PDE10A: variants seen among roughly 807,000 people sequenced by gnomAD.
The protein encoded by PDE10A is cAMP and cAMP-inhibited cGMP 3',5'-cyclic phosphodiesterase 10A.
PDE10A carries 39 observed loss-of-function variants against 97.7 expected under a neutral mutation model. The ratio of observed to expected loss-of-function variants is 0.40; its 90% confidence interval spans 0.31 to 0.52. The LOEUF is 0.52. Among genes scored for constraint, PDE10A ranks in the 20% least tolerant of loss-of-function variants. The pLI, the probability that PDE10A is intolerant of heterozygous loss-of-function variation, is 0.56. For synonymous variants in PDE10A, 371 were observed against 376.8 expected, an observed-to-expected ratio of 0.98 and a Z score of 0.18; for missense variants, 731 against 1,047.8, an observed-to-expected ratio of 0.70 and a Z score of 4.17.
intron 1 of PDE10A, among the ~76,000 whole-genome samples, chr6:165,731,937 C>T (rs1053485023): frequency 1.3e-5 from 2 of 152,202 alleles, no homozygotes; most frequent in African/African-American, 2.4e-5. Context: ...TTTTGTGAAA[C>T]TCACAAAATT....
chr6:165,580,256 A>C (rs2128354152), intron 1 of PDE10A, among the ~76,000 whole-genome samples: 1 of 152,286 alleles, frequency 6.6e-6, no homozygotes, highest in Non-Finnish European at 1.5e-5. Flanking sequence ...TGGGTCGGGT[A>C]TGTCTTCTAG....
At chr6:165,663,714 CG>C (rs1178283160), upstream of PDE10A, among the ~76,000 whole-genome samples, 1 of 152,218 alleles carries the variant, frequency 6.6e-6, no homozygotes, top group African/African-American at 2.4e-5. Flanking sequence ...AAACGAACTT[CG>C]TGTGCACAAG....
intron 1 of PDE10A, chr6:165,775,700 A>G (rs919207128): frequency 2.6e-5 from 4 of 152,360 alleles, no homozygotes; most frequent in African/African-American, 4.8e-5. Flanking sequence ...CCTGTCTCCA[A>G]TTAACAGAAA....
At chr6:165,341,959 G>C (rs893415620) in intron 19 of PDE10A, among the ~76,000 whole-genome samples, 2 of 152,120 alleles carry the variant, frequency 1.3e-5, no homozygotes, top group African/African-American at 4.8e-5. Flanking sequence ...AGCAAAAGAA[G>C]GTTGCTGCAA....
chr6:165,779,066 T>C (rs1288291379), intron 1 of PDE10A, among the ~76,000 whole-genome samples: 9 of 152,210 alleles, frequency 5.9e-5, no homozygotes, highest in Admixed American at 6.5e-5. Context: ...GGGTAGTGCT[T>C]TTAGTTCTTA....
At chr6:165,764,084 C>T (rs977194059) in intron 1 of PDE10A, among the ~76,000 whole-genome samples, 3 of 152,184 alleles carry the variant, frequency 2.0e-5, no homozygotes, top group African/African-American at 4.8e-5. Context: ...GTAGAGATGG[C>T]AGGGTGAGCA....
At chr6:165,403,551 T>A (rs959611839) in intron 13 of PDE10A, among the ~76,000 whole-genome samples, 9 of 152,240 alleles carry the variant, frequency 5.9e-5, no homozygotes, top group Non-Finnish European at 1.2e-4. Context: ...ATTGTTCTAC[T>A]ATTATAAATT....
At chr6:165,355,746 G>T (rs1782981016) in intron 18 of PDE10A, among the ~76,000 whole-genome samples, 2 of 152,070 alleles carry the variant, frequency 1.3e-5, no homozygotes. Flanking sequence ...CACAGTATAA[G>T]AACATGTTCA....
chr6:165,598,808 C>G (rs112893357), intron 1 of PDE10A, among the ~76,000 whole-genome samples: 1 of 152,068 alleles, frequency 6.6e-6, no homozygotes, highest in Admixed American at 6.6e-5. Flanking sequence ...AAACTAATAG[C>G]CCAGCACTGG....
At chr6:165,420,278 G>T (rs1788603729) in intron 10 of PDE10A, among the ~76,000 whole-genome samples, 1 of 152,176 alleles carries the variant, frequency 6.6e-6, no homozygotes, top group South Asian at 2.1e-4. Flanking sequence ...TACAACAGCA[G>T]AGTTGAGTAG....
chr6:165,545,370 G>C lies in PDE10A; in HGVS notation c.866-1802C>G, dbSNP rs151265204. Reference sequence around the variant, plus strand: ...TCTCCTTCTCACTTCTTCCCAAAGAGATTTTAACTCTTGGTTTTCCTTTTT... The same window carrying C: ...TCTCCTTCTCACTTCTTCCCAAAGACATTTTAACTCTTGGTTTTCCTTTTT... On this transcript the variant is annotated intron_variant, in intron 1 of 21. Transcript: ENST00000539869. 2.0e-3 allele frequency among the ~76,000 whole-genome samples: 305 copies of C among 152,142 alleles called. 2 individuals are homozygous for C. The highest frequency in any genetic ancestry group is 7.1e-3 in the African/African-American group (294 of 41,536).
intron 3 of PDE10A, among the ~76,000 whole-genome samples, chr6:165,476,702 C>A (rs559966461): frequency 6.6e-6 from 1 of 152,224 alleles, no homozygotes; most frequent in East Asian, 1.9e-4. Flanking sequence ...GTGAAAGTAA[C>A]AAATTCAAAG....
At chr6:165,517,665 G>C (rs1781891753) in intron 2 of PDE10A, among the ~76,000 whole-genome samples, 1 of 152,106 alleles carries the variant, frequency 6.6e-6, no homozygotes, top group Non-Finnish European at 1.5e-5. Context: ...CACGACATTT[G>C]GGAAAACACA....
chr6:165,735,869 C>A (rs1243114624), intron 1 of PDE10A, among the ~76,000 whole-genome samples: 1 of 152,184 alleles, frequency 6.6e-6, no homozygotes, highest in Non-Finnish European at 1.5e-5. Context: ...TCACAGATTC[C>A]TTATTTGTGA....
chr6:165,969,335 C>T (rs1271547386), intron 1 of PDE10A, among the ~76,000 whole-genome samples: 1 of 152,104 alleles, frequency 6.6e-6, no homozygotes, highest in African/African-American at 2.4e-5. Context: ...GGTGTCACAG[C>T]CTGGAGGGGG....
chr6:165,531,759 A>G (rs1782790675), intron 2 of PDE10A, among the ~76,000 whole-genome samples: 2 of 71,484 alleles, frequency 2.8e-5, no homozygotes, highest in Non-Finnish European at 9.6e-5. Flanking sequence ...GCAACTCACC[A>G]TACTTTATTT....
chr6:165,643,188 T>C (rs1358361297), intron 1 of PDE10A, among the ~76,000 whole-genome samples: 1 of 151,934 alleles, frequency 6.6e-6, no homozygotes, highest in Non-Finnish European at 1.5e-5. Flanking sequence ...GATGTATGGG[T>C]GGATGCATAG....
intron 1 of PDE10A, among the ~76,000 whole-genome samples, chr6:165,978,967 A>G (rs576950401): frequency 1.3e-5 from 2 of 152,326 alleles, no homozygotes; most frequent in South Asian, 4.1e-4. Context: ...GAGGAGGAGA[A>G]AAAGAAAATG....
chr6:165,620,763 G>A (rs1788086475), intron 1 of PDE10A, among the ~76,000 whole-genome samples: 1 of 114,822 alleles, frequency 8.7e-6, no homozygotes, highest in African/African-American at 4.9e-5. Flanking sequence ...AGAGAAGGCT[G>A]GGTAATCCCA....
Sources: allele counts gnomAD v4.1 joint callset (sites outside exome capture counted in the v4.1 genomes callset), GRCh38; gene constraint gnomAD v4.1.1; transcripts MANE v1.5; gene names NCBI Gene and HGNC (gene_info 2026-07-23, HGNC 2026-07-21).